SLC35G2: variants seen among roughly 807,000 people sequenced by gnomAD.
SLC35G2 encodes solute carrier family 35 member G2, also known as transmembrane protein 22.
SLC35G2 carries 20 observed loss-of-function variants against 27.2 expected under a neutral mutation model. The ratio of observed to expected loss-of-function variants is 0.74; its 90% confidence interval spans 0.52 to 1.07. The LOEUF (loss-of-function observed/expected upper bound fraction) is 1.07, where lower values mean the gene tolerates loss of function less well. Ranked by LOEUF, SLC35G2 falls within the 50% of genes least tolerant of loss-of-function variation. The pLI, the probability that SLC35G2 is intolerant of heterozygous loss-of-function variation, is 0.00. For synonymous variants in SLC35G2, 148 were observed against 165.3 expected (o/e 0.90, Z 0.80); for missense variants, 416 against 493.3 (o/e 0.84, Z 1.48).
Position 136,855,458 on chromosome 3 carries a change from TAGG to T in SLC35G2, c.1001_1003del (p.Gly334del). 6.2e-7 allele frequency: 1 copy of T among 1,614,208 alleles called. No homozygotes were observed. The highest frequency in any genetic ancestry group is 1.1e-5 in the South Asian group (1 of 91,084). ...TGTGTCTGTTCTACTGCAGCATTCT[TAGG>T]AGTTTATTATGCCTTGGACAAATTC... is the stretch of plus-strand genomic sequence containing the variant. On this transcript the variant is annotated inframe_deletion, in exon 2 of 2. Transcript: ENST00000446465.
chr3:136,841,817 A>G (rs1316776065), intron 1 of SLC35G2: 2 of 152,142 alleles, frequency 1.3e-5, no homozygotes, highest in African/African-American at 4.8e-5. Context: ...TAACATTTTT[A>G]GCATAAATAC....
At chr3:136,819,795 C>T (rs1560007921) in intron 1 of SLC35G2, 167 bp downstream of exon 1, 1 of 152,218 alleles carries the variant, frequency 6.6e-6, no homozygotes, top group Non-Finnish European at 1.5e-5. Flanking sequence ...CGTGGTACAT[C>T]GACGGTTTGT....
intron 1 of SLC35G2, among the ~76,000 whole-genome samples, chr3:136,847,605 T>C (rs1468326102): frequency 6.7e-6 from 1 of 150,372 alleles, no homozygotes; most frequent in East Asian, 2.0e-4. Flanking sequence ...AAAAATTGGC[T>C]TATGTTCTTG....
At chr3:136,849,951 A>G (rs777250904) in intron 1 of SLC35G2, among the ~76,000 whole-genome samples, 5 of 152,020 alleles carry the variant, frequency 3.3e-5, no homozygotes, top group Non-Finnish European at 7.4e-5. Context: ...CCAAAAAAAT[A>G]CAAAAATTAG....
chr3:136,850,435 C>CT (rs1481408401), intron 1 of SLC35G2, among the ~76,000 whole-genome samples: 1 of 151,984 alleles, frequency 6.6e-6, no homozygotes, highest in Non-Finnish European at 1.5e-5. Context: ...ATCCTTACCA[C>CT]TAAGCATATC....
chr3:136,849,870 C>T (rs1027836558), intron 1 of SLC35G2, among the ~76,000 whole-genome samples: 3 of 150,736 alleles, frequency 2.0e-5, no homozygotes, highest in Non-Finnish European at 3.0e-5. Context: ...TTCGGGAAGC[C>T]GCGGCGGGCG....
At chr3:136,848,829 T>A (rs1246509494) in intron 1 of SLC35G2, among the ~76,000 whole-genome samples, 10 of 152,144 alleles carry the variant, frequency 6.6e-5, no homozygotes, top group Non-Finnish European at 1.3e-4. Flanking sequence ...ACCTATTGGG[T>A]GCAATGCTCA....
intron 1 of SLC35G2, among the ~76,000 whole-genome samples, chr3:136,840,555 CTT>C (rs759639424): frequency 6.1e-5 from 9 of 147,750 alleles, no homozygotes; most frequent in Non-Finnish European, 9.0e-5. Flanking sequence ...CCTTCCTTCT[CTT>C]TTTCTCTCTT....
chr3:136,822,867 A>G (rs1936491475), intron 1 of SLC35G2, among the ~76,000 whole-genome samples: 1 of 152,220 alleles, frequency 6.6e-6, no homozygotes, highest in Non-Finnish European at 1.5e-5. Context: ...TGCGGCAACA[A>G]ACATGGGAAT....
In SLC35G2 at chr3:136,833,439, A is replaced by T. The variant is rs1936785820; in HGVS notation, c.-19+13811A>T. On this transcript the variant is annotated intron_variant, in intron 1 of 1. Transcript: ENST00000446465. The stretch of plus-strand genomic sequence containing the variant: ...GGTCAATCAGAAACTGTACTATTTG[A>T]TGGGGATGCTGTAGAGCAGTCATCC... Among the ~76,000 whole-genome samples the T allele has an allele frequency of 1.3e-5, 2 of 152,178 alleles. 1 individual carries two copies. The highest frequency in any genetic ancestry group is 4.1e-4 in the South Asian group (2 of 4,826).
chr3:136,844,157 A>G (rs139008489), intron 1 of SLC35G2, among the ~76,000 whole-genome samples: 1,945 of 152,130 alleles, frequency 0.013, 68 homozygotes, highest in East Asian at 0.12. Flanking sequence ...TCGCCACTGC[A>G]CTCCAGCCTG....
chr3:136,855,092 T>C lies in SLC35G2; in HGVS notation c.632T>C (p.Phe211Ser), dbSNP rs1259238220. 6.2e-7 allele frequency: 1 copy of C among 1,614,112 alleles called. No homozygotes were observed. Among genetic ancestry groups the C allele is most frequent in the African/African-American group, 1.3e-5 (1 of 74,948 alleles). ...ACAGTCTTCAGTGCCATTTTGGCTT[T>C]TTTACTCGTAGATGAGAAAATGGCT... is the stretch of plus-strand genomic sequence containing the variant. ...TTTVFSAILA[F>S]LLVDEKMAYV... Residue 211 changes from phenylalanine to serine, a missense_variant, in exon 2 of 2, where the codon TTT (phenylalanine) becomes TCT (serine). By Grantham distance (155) the Phe-to-Ser change is radical (BLOSUM62 -2). Transcript: ENST00000446465.
chr3:136,840,777 C>T (rs1413718275), intron 1 of SLC35G2, among the ~76,000 whole-genome samples: 11 of 152,030 alleles, frequency 7.2e-5, no homozygotes, highest in African/African-American at 2.7e-4. Context: ...GCGCATTCCA[C>T]CATGCCTGGC....
intron 1 of SLC35G2, among the ~76,000 whole-genome samples, chr3:136,836,978 G>A (rs1936890583): frequency 1.3e-5 from 2 of 152,182 alleles, no homozygotes; most frequent in African/African-American, 4.8e-5. Context: ...ACAGCATGAG[G>A]TCCATCTGTT....
chr3:136,830,104 C>CTTTTTTTTT (rs71134418), intron 1 of SLC35G2, among the ~76,000 whole-genome samples: 9 of 88,810 alleles, frequency 1.0e-4, no homozygotes, highest in African/African-American at 1.3e-4. Flanking sequence ...TACATTATTT[C>CTTTTTTTTT]TTTTTTTTTT....
At chr3:136,834,735 C>T (rs1385469806) in intron 1 of SLC35G2, among the ~76,000 whole-genome samples, 1 of 152,198 alleles carries the variant, frequency 6.6e-6, no homozygotes, top group African/African-American at 2.4e-5. Context: ...CTGTTGTAAA[C>T]ATACCACACA....
rs750825208 is a variant in SLC35G2 at position 136,854,643 on chromosome 3, G to GA, written c.192dup (p.Gly65ArgfsTer22). On this transcript the variant is annotated frameshift_variant, in exon 2 of 2. Coordinates refer to ENST00000446465, the MANE Select transcript of SLC35G2 (RefSeq NM_025246.3). LOFTEE classifies it high-confidence loss of function. Reference sequence around the variant, plus strand: ...CAAAGAAAGGTCTGCTGAGTGAAATGAAAAAAAAAGGGAGAGCTTTCTTTG... The same window carrying GA: ...CAAAGAAAGGTCTGCTGAGTGAAATGAAAAAAAAAAGGGAGAGCTTTCTTTG... 9.7e-5 allele frequency: 156 copies of GA among 1,603,222 alleles called. No homozygotes were observed. Among genetic ancestry groups the GA allele is most frequent in the African/African-American group, 7.0e-4 (52 of 73,820 alleles).
intron 1 of SLC35G2, among the ~76,000 whole-genome samples, chr3:136,837,024 T>C (rs1354160839): frequency 6.6e-6 from 1 of 152,194 alleles, no homozygotes; most frequent in Non-Finnish European, 1.5e-5. Context: ...TAAAGATTTA[T>C]GGGGTGGTAA....
intron 1 of SLC35G2, among the ~76,000 whole-genome samples, chr3:136,836,803 T>C (rs1936884589): frequency 6.6e-6 from 1 of 152,210 alleles, no homozygotes; most frequent in Non-Finnish European, 1.5e-5. Context: ...TACATTTCAT[T>C]AAGATGTAAA....
Sources: gnomAD v4.1 joint callset for allele counts (sites outside exome capture counted in the v4.1 genomes callset) on GRCh38, gnomAD v4.1.1 for gene constraint, MANE v1.5 for transcripts, NCBI Gene and HGNC (gene_info 2026-07-23, HGNC 2026-07-21) for gene names.